Variants in THOC2 observed in about 807,000 individuals in gnomAD.
THOC2 encodes the protein THO complex 2.
Under a neutral mutation model 128.4 loss-of-function variants are expected in THOC2, and 10 were observed. The observed-to-expected ratio is 0.08, with a 90% CI of 0.05 to 0.13. The LOEUF (loss-of-function observed/expected upper bound fraction) is 0.13, where lower values mean the gene tolerates loss of function less well. Among genes scored for constraint, THOC2 ranks in the 10% least tolerant of loss-of-function variants. The pLI is 1.00. For missense variants in THOC2, 535 were observed against 1,155.7 expected, an observed-to-expected ratio of 0.46 and a Z score of 7.79; for synonymous variants, 393 against 396.9, an observed-to-expected ratio of 0.99 and a Z score of 0.12.
chrX:123,657,530 T>C (rs1357385180), intron 12 of THOC2, among the ~76,000 whole-genome samples: 4 of 110,155 alleles, frequency 3.6e-5, no homozygotes, highest in Non-Finnish European at 7.6e-5. Flanking sequence ...TCCTAAAAGA[T>C]GCTGGGTGTG....
intron 11 of THOC2, among the ~76,000 whole-genome samples, chrX:123,666,268 T>C (rs975519249): frequency 8.9e-6 from 1 of 112,212 alleles, no homozygotes; most frequent in Non-Finnish European, 1.9e-5. Flanking sequence ...ACAACACTGA[T>C]TCAAGTCAAC....
In THOC2 at chrX:123,732,586, T is replaced by C. The variant is rs764145556; in HGVS notation, c.71+366A>G. 2.7e-5 allele frequency among the ~76,000 whole-genome samples: 3 copies of C among 111,805 alleles called. No individual in the cohort carries two copies. The East Asian group carries it at 8.5e-4, about 32-fold the overall frequency. Reference sequence around the variant, plus strand: ...CACAGAGAGAGATGGAAAGTCCGAATTGCCCCGGCTCAGCCCCATAAAGAT... The same window carrying C: ...CACAGAGAGAGATGGAAAGTCCGAACTGCCCCGGCTCAGCCCCATAAAGAT... On this transcript the variant is annotated intron_variant, in intron 1 of 38. Coordinates refer to ENST00000245838, the MANE Select transcript of THOC2 (RefSeq NM_001081550.2).
At chrX:123,607,397 T>C (rs1456995272) in intron 38 of THOC2, among the ~76,000 whole-genome samples, 1 of 111,228 alleles carries the variant, frequency 9.0e-6, no homozygotes, top group Non-Finnish European at 1.9e-5. Flanking sequence ...TGCCTCAGAC[T>C]CTCAAGGAGC....
intron 38 of THOC2, among the ~76,000 whole-genome samples, chrX:123,608,272 G>A (rs746644936): frequency 3.7e-5 from 4 of 108,419 alleles, no homozygotes; most frequent in Admixed American, 2.0e-4. Flanking sequence ...GTGGTGGCAC[G>A]TGCTTGTAGT....
At chrX:123,650,891 C>T (rs574298351) in intron 12 of THOC2, among the ~76,000 whole-genome samples, 7 of 111,823 alleles carry the variant, frequency 6.3e-5, no homozygotes, top group African/African-American at 2.3e-4. Context: ...CAATATTAGA[C>T]AGATCAACGA....
chrX:123,702,558 CATAT>C (rs1379310049), intron 4 of THOC2, among the ~76,000 whole-genome samples: 3 of 103,684 alleles, frequency 2.9e-5, no homozygotes, highest in Admixed American at 1.1e-4. Flanking sequence ...AACATATATA[CATAT>C]ATATTATACA....
Position 123,662,461 on chromosome X carries a change from G to A in THOC2, c.1386+3181C>T, listed in dbSNP as rs191981682. Among the ~76,000 whole-genome samples the A allele has an allele frequency of 5.8e-3, 625 of 108,588 alleles. 4 individuals are homozygous for A. Among genetic ancestry groups the A allele is most frequent in the Middle Eastern group, 0.023 (5 of 216 alleles). The allele number at this position is 108,588 out of a possible 115,157, so 94.3% of individuals were successfully genotyped here. A position where few individuals can be genotyped will look rare whatever the true frequency, so the allele number is the denominator to read the frequency against. On this transcript the variant is annotated intron_variant, in intron 12 of 38. Transcript: ENST00000245838. ...AAATTAGCCGGGCGTGGTGGTGGGC[G>A]CCTGTAGTCCCAGCTACTCGGGAGG...
intron 11 of THOC2, among the ~76,000 whole-genome samples, chrX:123,666,672 AGCCTATAT>A (rs1320725190): frequency 8.9e-6 from 1 of 111,981 alleles, no homozygotes; most frequent in Non-Finnish European, 1.9e-5. Context: ...CCAGAACAGC[AGCCTATAT>A]GCCAGGAAAG....
intron 16 of THOC2, 104 bp from the exon 17 acceptor site, chrX:123,639,131 CTTATAA>C: frequency 5.6e-6 from 2 of 355,126 alleles, no homozygotes; most frequent in Non-Finnish European, 1.0e-5. Context: ...AGAAATAATG[CTTATAA>C]TTAAAGTGGT....
At chrX:123,647,772 T>A (rs957614277) in intron 12 of THOC2, among the ~76,000 whole-genome samples, 1 of 100,577 alleles carries the variant, frequency 9.9e-6, no homozygotes. Context: ...GAGGTGGAGG[T>A]TGAGGTTGCA....
At chrX:123,645,949 C>CA (rs34625161) in intron 12 of THOC2, among the ~76,000 whole-genome samples, 34,263 of 90,856 alleles carry the variant, frequency 0.38, 4,832 homozygotes, top group East Asian at 0.69. Context: ...ACAACAAGAG[C>CA]AAAAAAAAAA....
chrX:123,618,834 C>T (rs958067835), intron 33 of THOC2, among the ~76,000 whole-genome samples: 1 of 111,197 alleles, frequency 9.0e-6, no homozygotes, highest in Non-Finnish European at 1.9e-5. Flanking sequence ...ACACAACCAC[C>T]GAGTATTCCT....
intron 1 of THOC2, among the ~76,000 whole-genome samples, chrX:123,716,802 G>A (rs1478793790): frequency 9.4e-6 from 1 of 106,003 alleles, no homozygotes; most frequent in Non-Finnish European, 1.9e-5. Context: ...GGAAGCTGAG[G>A]CAGGAGAATC....
chrX:123,715,646 A>T (rs1160252569), intron 1 of THOC2, among the ~76,000 whole-genome samples: 1 of 108,160 alleles, frequency 9.2e-6, no homozygotes, highest in African/African-American at 3.4e-5. Flanking sequence ...TTAGCTAGGC[A>T]TGGTGGCCCA....
intron 32 of THOC2, chrX:123,620,242 G>A (rs1300650249): frequency 1.8e-5 from 2 of 111,440 alleles, no homozygotes; most frequent in Non-Finnish European, 3.8e-5. Flanking sequence ...TGAATGCCTG[G>A]GGTTTCTCTT....
intron 30 of THOC2, among the ~76,000 whole-genome samples, chrX:123,621,904 G>A (rs955666018): frequency 2.5e-4 from 27 of 110,061 alleles, no homozygotes; most frequent in African/African-American, 7.9e-4. Flanking sequence ...ACTTAGCTGC[G>A]CATGGTGGCG....
chrX:123,621,699 T>C (rs1291102198), intron 30 of THOC2, 112 bp from the exon 31 acceptor site: 1 of 583,538 alleles, frequency 1.7e-6, no homozygotes, highest in South Asian at 4.5e-5. Context: ...ATACTAGAAC[T>C]AAGGGGGAGT....
chrX:123,717,726 T>A (rs1013819863), intron 1 of THOC2, among the ~76,000 whole-genome samples: 13 of 96,418 alleles, frequency 1.3e-4, no homozygotes, highest in East Asian at 3.3e-4. Context: ...GCCAAGGCAA[T>A]CCTGAACAAA....
chrX:123,690,351 C>A (rs1304965647), intron 7 of THOC2, among the ~76,000 whole-genome samples: 1 of 111,753 alleles, frequency 8.9e-6, no homozygotes, highest in African/African-American at 3.3e-5. Flanking sequence ...AAATTGTACA[C>A]TTTAAATATA....
Sources: gnomAD v4.1 joint callset for allele counts (sites outside exome capture counted in the v4.1 genomes callset) on GRCh38, gnomAD v4.1.1 for gene constraint, MANE v1.5 for transcripts, NCBI Gene and HGNC (gene_info 2026-07-23, HGNC 2026-07-21) for gene names.